Variants in LASP1 observed in about 807,000 individuals in gnomAD.
The protein encoded by LASP1 is LIM and SH3 domain protein 1.
A neutral mutation model predicts 38.6 loss-of-function variants in LASP1; 10 were observed. That is an observed-to-expected ratio of 0.26 (90% CI 0.16 to 0.44). The LOEUF (loss-of-function observed/expected upper bound fraction) is 0.44. LASP1 is among the 20% of genes least tolerant of loss of function. LASP1 has a pLI of 1.00. For missense variants in LASP1, 243 were observed against 375.7 expected (o/e 0.65, Z 2.92); for synonymous variants, 132 against 140.8 (o/e 0.94, Z 0.44).
rs1567707668 is a variant in LASP1, at chr17:38,919,033, A to AGGCCCGTGG, written c.*258_*259insCCGTGGGGC. 3,979 of 532,794 alleles carry AGGCCCGTGG rather than the reference A, an allele frequency of 7.5e-3. 126 individuals are homozygous for AGGCCCGTGG. In the East Asian group the frequency reaches 0.082, roughly 11 times the overall value. 33.0% of individuals were successfully genotyped at this position (532,794 alleles called of 1,614,324 possible). ...GAACGGGCATGGGCCTCTCTGGGGGAGGCAGGGCTGGAATGGGAGACCTGT... is the reference window on the plus strand; with the variant it reads ...GAACGGGCATGGGCCTCTCTGGGGGAGGCCCGTGGGGCAGGGCTGGAATGGGAGACCTGT... On this transcript the variant is annotated 3_prime_UTR_variant, in exon 7 of 7. Coordinates refer to ENST00000318008, the MANE Select transcript of LASP1 (RefSeq NM_006148.4).
intron 3 of LASP1, among the ~76,000 whole-genome samples, chr17:38,890,905 G>A (rs1445412692): frequency 1.3e-5 from 2 of 152,108 alleles, no homozygotes; most frequent in African/African-American, 2.4e-5. Flanking sequence ...CTATAGCCGC[G>A]TCCCAAACCT....
intron 1 of LASP1, among the ~76,000 whole-genome samples, chr17:38,875,871 T>A (rs1051963533): frequency 6.6e-6 from 1 of 152,174 alleles, no homozygotes; most frequent in Non-Finnish European, 1.5e-5. Flanking sequence ...ACCAGCTCTG[T>A]GGCTGGGCTC....
intron 3 of LASP1, among the ~76,000 whole-genome samples, chr17:38,894,355 G>A (rs1164872984): frequency 2.0e-5 from 3 of 152,152 alleles, no homozygotes; most frequent in East Asian, 1.9e-4. Context: ...TATCCTCCTC[G>A]GATCTTGTAA....
At chr17:38,877,807 C>G (rs1311655033) in intron 1 of LASP1, among the ~76,000 whole-genome samples, 3 of 152,170 alleles carry the variant, frequency 2.0e-5, no homozygotes, top group Admixed American at 6.5e-5. Flanking sequence ...GCTGCCACTG[C>G]TATAACTGGG....
intron 6 of LASP1, 199 bp downstream of exon 6, chr17:38,915,345 G>T: frequency 2.0e-6 from 1 of 512,322 alleles, no homozygotes; most frequent in South Asian, 2.4e-5. Context: ...CTGCGTTCCA[G>T]CCCTGGTGTA....
chr17:38,891,871 G>T (rs1914335475), intron 3 of LASP1, among the ~76,000 whole-genome samples: 1 of 152,252 alleles, frequency 6.6e-6, no homozygotes, highest in South Asian at 2.1e-4. Context: ...AAGGTAAGAG[G>T]ATCACTTGAG....
chr17:38,907,350 G>A (rs1019768752), intron 4 of LASP1, among the ~76,000 whole-genome samples: 4 of 152,124 alleles, frequency 2.6e-5, no homozygotes, highest in African/African-American at 7.2e-5. Context: ...GAAAAGGGGT[G>A]CATTGAAATT....
At chr17:38,885,236 T>C (rs1914083102) in intron 2 of LASP1, among the ~76,000 whole-genome samples, 2 of 152,204 alleles carry the variant, frequency 1.3e-5, no homozygotes, top group Admixed American at 6.5e-5. Flanking sequence ...GCAAGGTCTC[T>C]GTCCTTGACA....
In LASP1 at chr17:38,887,408, G is replaced by A. The variant is rs75498996; in HGVS notation, c.165-3012G>A. Among the ~76,000 whole-genome samples, 483 of 152,276 alleles carry A rather than the reference G, an allele frequency of 3.2e-3. 1 individual carries two copies. Among genetic ancestry groups the A allele is most frequent in the Non-Finnish European group, 4.5e-3 (307 of 68,032 alleles). Reference sequence around the variant, plus strand: ...CTTTCTGGTCTCTAGGAACAGACTCGTGGTTGATCATCCCTTGGCCTGGAA... The same window carrying A: ...CTTTCTGGTCTCTAGGAACAGACTCATGGTTGATCATCCCTTGGCCTGGAA... On this transcript the variant is annotated intron_variant, in intron 2 of 6. Coordinates refer to ENST00000318008, the MANE Select transcript of LASP1 (RefSeq NM_006148.4).
rs1329800685 is a variant in LASP1 at position 38,920,365 on chromosome 17, A to G, written c.*1587A>G. Reference sequence around the variant, plus strand: ...GAGGGTCCCAGGGCTGCAAAACTGGAAGCACAGCCTCGGGGATGGGGAGGG... The same window carrying G: ...GAGGGTCCCAGGGCTGCAAAACTGGGAGCACAGCCTCGGGGATGGGGAGGG... On this transcript the variant is annotated 3_prime_UTR_variant, in exon 7 of 7. Transcript: ENST00000318008. The G allele has an allele frequency of 5.8e-6, 2 of 344,748 alleles. No individual in the cohort carries two copies. Among genetic ancestry groups the G allele is most frequent in the East Asian group, 8.6e-5 (2 of 23,278 alleles). The allele number at this position is 344,748 out of a possible 1,614,324, so 21.4% of individuals were successfully genotyped here.
chr17:38,911,560 C>T (rs1914944045), intron 4 of LASP1, among the ~76,000 whole-genome samples: 1 of 152,172 alleles, frequency 6.6e-6, no homozygotes, highest in Admixed American at 6.5e-5. Flanking sequence ...AGCCAGGGGA[C>T]AGGGTGCTGC....
At chr17:38,905,550 AG>A (rs931582774) in intron 4 of LASP1, among the ~76,000 whole-genome samples, 4 of 145,356 alleles carry the variant, frequency 2.8e-5, no homozygotes, top group Non-Finnish European at 6.1e-5. Context: ...AAAAAAAAAA[AG>A]TGTGCTCCTT....
rs544813524 is a variant in LASP1, at chr17:38,916,341, C to G, written c.612+1195C>G. ...TTGGGAGGCCAAGGCGGGCAGGTCA[C>G]TTGAGGTCAGGAGTTCGAGATCAGC... On this transcript the variant is annotated intron_variant, in intron 6 of 6. Coordinates refer to ENST00000318008, the MANE Select transcript of LASP1 (RefSeq NM_006148.4). 2.0e-5 allele frequency: 3 copies of G among 152,194 alleles called. No homozygotes were observed. The East Asian group carries it at 5.8e-4, about 29-fold the overall frequency. 9.4% of individuals were successfully genotyped at this position (152,194 alleles called of 1,614,324 possible). A position where few individuals can be genotyped will look rare whatever the true frequency, so the allele number is the denominator to read the frequency against.
At chr17:38,913,233 C>T (rs960858368) in intron 4 of LASP1, among the ~76,000 whole-genome samples, 1 of 152,202 alleles carries the variant, frequency 6.6e-6, no homozygotes, top group Admixed American at 6.5e-5. Flanking sequence ...AGGCTTGGAG[C>T]CTCACATGCC....
intron 3 of LASP1, among the ~76,000 whole-genome samples, chr17:38,893,032 T>G (rs1339604722): frequency 6.6e-6 from 1 of 152,212 alleles, no homozygotes; most frequent in Admixed American, 6.5e-5. Flanking sequence ...TGCACGCATG[T>G]ATGCGTGTAT....
At chr17:38,898,546 T>A (rs753638417) in intron 4 of LASP1, 27 bp downstream of exon 4, 60 of 1,477,744 alleles carry the variant, frequency 4.1e-5, no homozygotes, top group Non-Finnish European at 5.5e-5. Context: ...CCCTGCGGCA[T>A]CCCTGCTGCC....
At position 38,915,135 on chromosome 17, in the gene LASP1, G is replaced by A. The variant is rs1369405563; in HGVS notation, c.601G>A (p.Gly201Ser). The A allele has an allele frequency of 2.7e-5, 44 of 1,613,768 alleles. No individual in the cohort carries two copies. Among genetic ancestry groups the A allele is most frequent in the Non-Finnish European group, 3.5e-5 (41 of 1,179,958 alleles). ...APVSIQRSAP[G>S]GGGKRYRAVY... ...AGTCTCCATACAGCGCAGCGCCCCA[G>A]GTGGTGGCGGGGTGAGTAACCCTGG... The change falls in exon 6 of 7, where the codon GGT becomes AGT. Residue 201 changes from glycine to serine, a missense_variant. This residue lies in a region of LASP1 where 165 missense variants were observed against 210.3 expected (regional missense o/e 0.78). Transcript: ENST00000318008.
chr17:38,871,640 T>C (rs1371710152), intron 1 of LASP1, among the ~76,000 whole-genome samples: 3 of 151,848 alleles, frequency 2.0e-5, no homozygotes, highest in Non-Finnish European at 4.4e-5. Context: ...GTGTGTGAGC[T>C]TCCTCAGTGA....
chr17:38,887,838 G>A (rs1344939067), intron 2 of LASP1, among the ~76,000 whole-genome samples: 1 of 152,188 alleles, frequency 6.6e-6, no homozygotes, highest in Non-Finnish European at 1.5e-5. Flanking sequence ...AGGGGAAGTC[G>A]CCTGTTTACA....
Sources: allele counts gnomAD v4.1 joint callset (sites outside exome capture counted in the v4.1 genomes callset), GRCh38; gene constraint gnomAD v4.1.1; regional missense constraint gnomAD v4.1.1; transcripts MANE v1.5; gene names NCBI Gene and HGNC (gene_info 2026-07-23, HGNC 2026-07-21).